AFG1L: variants seen among roughly 807,000 people sequenced by gnomAD.
The protein encoded by AFG1L is AFG1-like ATPase.
Under a neutral mutation model 62.2 loss-of-function variants are expected in AFG1L, and 53 were observed. The observed-to-expected ratio is 0.85, with a 90% CI of 0.68 to 1.07. The LOEUF is 1.07. Ranked by LOEUF, AFG1L falls within the 50% of genes least tolerant of loss-of-function variation. The probability of loss-of-function intolerance (pLI) is 0.00; values close to 1 mark genes in which losing one functional copy is unlikely to be tolerated. For synonymous variants in AFG1L, 228 were observed against 210.3 expected, an observed-to-expected ratio of 1.08 and a Z score of -0.73; for missense variants, 555 against 590.5, an observed-to-expected ratio of 0.94 and a Z score of 0.62.
chr6:108,298,456 G>A (rs1242730265), intron 1 of AFG1L, among the ~76,000 whole-genome samples: 3 of 151,984 alleles, frequency 2.0e-5, no homozygotes, highest in Non-Finnish European at 4.4e-5. Flanking sequence ...AGTAGAGAGG[G>A]GGTTTCAACA....
At chr6:108,344,370 C>T (rs1009217085) in intron 2 of AFG1L, among the ~76,000 whole-genome samples, 1 of 152,118 alleles carries the variant, frequency 6.6e-6, no homozygotes, top group Non-Finnish European at 1.5e-5. Context: ...GCCTTGGCCT[C>T]CCAAAGTGCT....
intron 2 of AFG1L, among the ~76,000 whole-genome samples, chr6:108,325,563 G>T (rs1294665722): frequency 1.3e-5 from 2 of 151,800 alleles, no homozygotes; most frequent in Non-Finnish European, 2.9e-5. Flanking sequence ...TTGGCTCACT[G>T]CAACCTCCAC....
intron 10 of AFG1L, among the ~76,000 whole-genome samples, chr6:108,490,807 A>G (rs1447875105): frequency 6.6e-6 from 1 of 151,954 alleles, no homozygotes; most frequent in Non-Finnish European, 1.5e-5. Flanking sequence ...ATAGATTTCT[A>G]CTTCCCTACA....
intron 8 of AFG1L, among the ~76,000 whole-genome samples, chr6:108,455,281 G>C (rs1772210023): frequency 6.6e-6 from 1 of 152,170 alleles, no homozygotes; most frequent in African/African-American, 2.4e-5. Context: ...CATGTATTGA[G>C]TGGGTGATTT....
At chr6:108,443,533 A>G (rs942033523) in intron 7 of AFG1L, among the ~76,000 whole-genome samples, 3 of 152,224 alleles carry the variant, frequency 2.0e-5, no homozygotes, top group Non-Finnish European at 1.5e-5. Context: ...TTTACAATGT[A>G]CAAGTCTTAA....
In AFG1L at chr6:108,487,442, T is replaced by G. The variant is rs1773615123; in HGVS notation, c.1062+10150T>G. 2.6e-5 allele frequency among the ~76,000 whole-genome samples: 4 copies of G among 152,270 alleles called. No homozygotes were observed. The South Asian group carries it at 8.3e-4, about 31-fold the overall frequency. The stretch of plus-strand genomic sequence containing the variant: ...GCAGATCACTTAACCACTTCACCAT[T>G]CTGGGTCTAAGTTCCTCACTTGTGA... On this transcript the variant is annotated intron_variant, in intron 10 of 12. Coordinates refer to ENST00000368977, the MANE Select transcript of AFG1L (RefSeq NM_145315.5).
chr6:108,425,022 A>G (rs1220950015), intron 7 of AFG1L, among the ~76,000 whole-genome samples: 1 of 152,178 alleles, frequency 6.6e-6, no homozygotes, highest in Non-Finnish European at 1.5e-5. Context: ...GAAGAAAGCT[A>G]AAAATGTTTC....
At chr6:108,355,835 C>T (rs1313751363) in intron 4 of AFG1L, 80 bp downstream of exon 4, 14 of 948,200 alleles carry the variant, frequency 1.5e-5, no homozygotes, top group Non-Finnish European at 2.0e-5. Flanking sequence ...TGAACATATA[C>T]TCTTTAAAAA....
chr6:108,515,253 C>A (rs1051018726), intron 11 of AFG1L, among the ~76,000 whole-genome samples: 22 of 152,184 alleles, frequency 1.4e-4, no homozygotes, highest in African/African-American at 5.3e-4. Context: ...GGAAGTAAAG[C>A]ACTCCTCAGC....
chr6:108,308,016 TTTATA>T (rs1382750958), intron 1 of AFG1L, among the ~76,000 whole-genome samples: 2 of 152,246 alleles, frequency 1.3e-5, no homozygotes, highest in East Asian at 3.8e-4. Flanking sequence ...GTTGTAGTTC[TTTATA>T]TAATCTTGAT....
chr6:108,363,140 G>T (rs573976825), intron 5 of AFG1L, among the ~76,000 whole-genome samples: 48 of 152,238 alleles, frequency 3.2e-4, no homozygotes, highest in African/African-American at 1.1e-3. Context: ...GAATTTTAAA[G>T]ATTATGTTTT....
chr6:108,434,543 T>C (rs1259148648), intron 7 of AFG1L, among the ~76,000 whole-genome samples: 1 of 152,210 alleles, frequency 6.6e-6, no homozygotes, highest in Non-Finnish European at 1.5e-5. Flanking sequence ...TCTAGGCTAC[T>C]TTCACATCTT....
chr6:108,368,220 T>C (rs1466338797), intron 6 of AFG1L, among the ~76,000 whole-genome samples: 3 of 152,170 alleles, frequency 2.0e-5, no homozygotes, highest in Admixed American at 2.0e-4. Context: ...ATGTTTGAAG[T>C]ATTTTTGAAG....
intron 3 of AFG1L, among the ~76,000 whole-genome samples, chr6:108,349,055 T>C (rs1778975685): frequency 6.6e-6 from 1 of 152,198 alleles, no homozygotes; most frequent in Non-Finnish European, 1.5e-5. Flanking sequence ...GGGATGTTCA[T>C]ATAGTTTGGG....
rs1562111471 is a variant in AFG1L, at chr6:108,366,286, CAA to C, written c.706_707del (p.Asn236ArgfsTer17). On this transcript the variant is annotated frameshift_variant, in exon 6 of 13. Transcript: ENST00000368977. LOFTEE classifies it high-confidence loss of function. The stretch of plus-strand genomic sequence containing the variant: ...TGAAACAGCTTTTTGAAAATCTGTT[CAA>C]AAACGGGGTCGTCGTTGTGGCAACA... ...ILKQLFENLF[K>X]NGVVVVATSN... 1 of 1,612,068 alleles carries C rather than the reference CAA, an allele frequency of 6.2e-7. No homozygotes were observed. Among genetic ancestry groups the C allele is most frequent in the East Asian group, 2.2e-5 (1 of 44,846 alleles).
chr6:108,438,529 T>C (rs2114729491), intron 7 of AFG1L, among the ~76,000 whole-genome samples: 1 of 152,284 alleles, frequency 6.6e-6, no homozygotes, highest in South Asian at 2.1e-4. Flanking sequence ...GGAGATGCAA[T>C]TAAGCCCATA....
At chr6:108,520,026 T>TC in intron 12 of AFG1L, 1 of 353,454 alleles carries the variant, frequency 2.8e-6, no homozygotes, top group Non-Finnish European at 5.2e-6. Context: ...GTCATGTAGT[T>TC]CAGTGCTCCA....
chr6:108,437,130 A>G (rs1771347011), intron 7 of AFG1L, among the ~76,000 whole-genome samples: 1 of 152,176 alleles, frequency 6.6e-6, no homozygotes, highest in Admixed American at 6.5e-5. Context: ...ATCACCTCCC[A>G]AAGGCCCTAC....
chr6:108,462,585 A>C (rs925218158), intron 8 of AFG1L, among the ~76,000 whole-genome samples: 1 of 152,214 alleles, frequency 6.6e-6, no homozygotes, highest in Non-Finnish European at 1.5e-5. Flanking sequence ...AAGTCCATCT[A>C]ATATAGACTT....
Sources: allele counts gnomAD v4.1 joint callset (sites outside exome capture counted in the v4.1 genomes callset), GRCh38; gene constraint gnomAD v4.1.1; transcripts MANE v1.5; gene names NCBI Gene and HGNC (gene_info 2026-07-23, HGNC 2026-07-21).